Variants in OCIAD1 observed in about 807,000 individuals in gnomAD.
OCIAD1 encodes OCIA domain containing 1.
A neutral mutation model predicts 38.9 loss-of-function variants in OCIAD1; 29 were observed. The observed-to-expected ratio is 0.74, with a 90% CI of 0.55 to 1.02. The LOEUF (loss-of-function observed/expected upper bound fraction) is 1.02, where lower values mean the gene tolerates loss of function less well. OCIAD1 is among the 50% of genes least tolerant of loss of function. OCIAD1 has a pLI of 0.00. For missense variants in OCIAD1, 288 were observed against 289.6 expected (o/e 0.99, Z 0.04); for synonymous variants, 110 against 92.0 (o/e 1.20, Z -1.12).
chr4:48,829,299 C>A (rs1211732608), upstream of OCIAD1, among the ~76,000 whole-genome samples: 1 of 151,794 alleles, frequency 6.6e-6, no homozygotes, highest in African/African-American at 2.4e-5. Flanking sequence ...TAACATAAAG[C>A]TCACCACCTA....
At chr4:48,853,008 T>C (rs1446910950) in intron 7 of OCIAD1, among the ~76,000 whole-genome samples, 1 of 151,430 alleles carries the variant, frequency 6.6e-6, no homozygotes, top group East Asian at 1.9e-4. Context: ...GTCTCCTGAG[T>C]AGCTGGGACT....
chr4:48,846,354 A>G (rs1452908152), intron 4 of OCIAD1, among the ~76,000 whole-genome samples: 2 of 152,232 alleles, frequency 1.3e-5, no homozygotes, highest in African/African-American at 2.4e-5. Context: ...AGTTCTTTCA[A>G]CATGGTGAGA....
intron 3 of OCIAD1, among the ~76,000 whole-genome samples, chr4:48,841,631 G>A (rs536500798): frequency 6.6e-6 from 1 of 152,198 alleles, no homozygotes; most frequent in East Asian, 1.9e-4. Flanking sequence ...AAACAGTTTG[G>A]GCACAGTGAG....
chr4:48,853,126 G>A (rs1425702147), intron 7 of OCIAD1, among the ~76,000 whole-genome samples: 10 of 151,832 alleles, frequency 6.6e-5, no homozygotes, highest in Non-Finnish European at 7.4e-5. Context: ...TGATCCGCCC[G>A]CCTCGGCCTC....
intron 1 of OCIAD1, among the ~76,000 whole-genome samples, chr4:48,817,600 G>A (rs1364653045): frequency 6.6e-6 from 1 of 152,234 alleles, no homozygotes; most frequent in Non-Finnish European, 1.5e-5. Context: ...CCTGGAAAGG[G>A]GGCTGAAGCC....
chr4:48,807,861 C>A (rs1777044764), intron 1 of OCIAD1, among the ~76,000 whole-genome samples: 1 of 152,188 alleles, frequency 6.6e-6, no homozygotes, highest in South Asian at 2.1e-4. Flanking sequence ...CACTCTTTTG[C>A]TACTATGACA....
At chr4:48,857,965 C>G (rs905810906) in intron 8 of OCIAD1, among the ~76,000 whole-genome samples, 1 of 152,092 alleles carries the variant, frequency 6.6e-6, no homozygotes, top group Non-Finnish European at 1.5e-5. Context: ...ACCAGCATGG[C>G]CAACATGGCG....
At chr4:48,855,901 C>A (rs532065581) in intron 7 of OCIAD1, 1 of 151,756 alleles carries the variant, frequency 6.6e-6, no homozygotes, top group East Asian at 1.9e-4. Flanking sequence ...TCACTGGGAT[C>A]CTACCTTTGA....
intron 7 of OCIAD1, among the ~76,000 whole-genome samples, chr4:48,855,273 C>T (rs191383084): frequency 7.9e-5 from 12 of 152,102 alleles, no homozygotes; most frequent in Non-Finnish European, 1.3e-4. Context: ...GAAGTACACA[C>T]GATTTCCTTC....
At position 48,808,331 on chromosome 4, in the gene OCIAD1, G is replaced by A. The variant is rs576181809; in HGVS notation, c.-103+3001G>A. On this transcript the variant is annotated intron_variant, in intron 1 of 6. Transcript: ENST00000504654. ...AAAAATACAAAAAAATTAGCTGGGT[G>A]TGGTGGCATGCATCTGTAATCCCAG... 3.9e-5 allele frequency among the ~76,000 whole-genome samples: 6 copies of A among 152,246 alleles called. No homozygotes were observed. In the South Asian group the frequency reaches 1.2e-3, roughly 32 times the overall value.
At chr4:48,807,893 T>C (rs181638859) in intron 1 of OCIAD1, among the ~76,000 whole-genome samples, 1 of 152,364 alleles carries the variant, frequency 6.6e-6, no homozygotes, top group East Asian at 1.9e-4. Context: ...TATGGCCTGA[T>C]GTCTCTAGAC....
At chr4:48,855,400 C>T (rs555550469) in intron 7 of OCIAD1, among the ~76,000 whole-genome samples, 2 of 152,194 alleles carry the variant, frequency 1.3e-5, no homozygotes, top group East Asian at 3.9e-4. Flanking sequence ...TCTTTACATT[C>T]TTTTTTTAGT....
intron 4 of OCIAD1, among the ~76,000 whole-genome samples, chr4:48,846,036 A>G (rs1322452530): frequency 6.6e-6 from 1 of 152,252 alleles, no homozygotes; most frequent in East Asian, 1.9e-4. Flanking sequence ...AATAGCAACC[A>G]TGACACTATT....
At chr4:48,825,103 C>T (rs918240298) in intron 1 of OCIAD1, among the ~76,000 whole-genome samples, 7 of 152,152 alleles carry the variant, frequency 4.6e-5, no homozygotes, top group African/African-American at 1.2e-4. Flanking sequence ...AGAGCAGATC[C>T]CCTGCAGCTG....
Position 48,831,172 on chromosome 4 carries a change from C to A in OCIAD1, c.-83C>A, listed in dbSNP as rs142434498. The A allele has an allele frequency of 6.2e-6, 2 of 323,370 alleles. No homozygotes were observed. Among genetic ancestry groups the A allele is most frequent in the African/African-American group, 4.3e-5 (2 of 46,196 alleles). The allele number at this position is 323,370 out of a possible 1,614,324, so 20.0% of individuals were successfully genotyped here. On this transcript the variant is annotated 5_prime_UTR_variant, in exon 1 of 9. Coordinates refer to ENST00000264312, the MANE Select transcript of OCIAD1 (RefSeq NM_017830.4). The stretch of plus-strand genomic sequence containing the variant: ...TTGCACTTTTCTCCCTCCCTGCCCC[C>A]TCTCGAGTCCACCCTCCGGGCCTTC...
chr4:48,840,833 C>CAAAA (rs1233881090), intron 3 of OCIAD1, among the ~76,000 whole-genome samples: 1 of 46,378 alleles, frequency 2.2e-5, no homozygotes, highest in Non-Finnish European at 4.8e-5. Context: ...CTCATCTCTA[C>CAAAA]AAAAAAAAAA....
At chr4:48,852,974 C>A (rs1414243266) in intron 7 of OCIAD1, among the ~76,000 whole-genome samples, 6 of 150,150 alleles carry the variant, frequency 4.0e-5, no homozygotes, top group South Asian at 2.1e-4. Context: ...CTCCGCCCCC[C>A]CAGCTTCACG....
At chr4:48,842,732 ATGTT>A in intron 4 of OCIAD1, 43 bp downstream of exon 4, 1 of 1,090,302 alleles carries the variant, frequency 9.2e-7, no homozygotes, top group Non-Finnish European at 1.3e-6. Context: ...TTTGGATACC[ATGTT>A]TGTTTTGTGG....
At chr4:48,826,035 G>A (rs1341200752) in intron 1 of OCIAD1, among the ~76,000 whole-genome samples, 1 of 151,842 alleles carries the variant, frequency 6.6e-6, no homozygotes, top group Admixed American at 6.6e-5. Context: ...ACAGGGTTTC[G>A]CCGTGTTGGC....
Sources: allele counts gnomAD v4.1 joint callset (sites outside exome capture counted in the v4.1 genomes callset), GRCh38; gene constraint gnomAD v4.1.1; transcripts MANE v1.5; gene names NCBI Gene and HGNC (gene_info 2026-07-23, HGNC 2026-07-21).